Variants in STXBP5L observed in about 807,000 individuals in gnomAD.
STXBP5L encodes the protein syntaxin binding protein 5L, also known as syntaxin-binding protein 5-like.
STXBP5L carries 65 observed loss-of-function variants against 144.5 expected under a neutral mutation model. The observed-to-expected ratio is 0.45, with a 90% CI of 0.37 to 0.55. The LOEUF (loss-of-function observed/expected upper bound fraction) is 0.55. STXBP5L is among the 20% of genes least tolerant of loss of function. The probability of loss-of-function intolerance (pLI) is 0.00; values close to 1 mark genes in which losing one functional copy is unlikely to be tolerated. For missense variants in STXBP5L, 1,298 were observed against 1,405.5 expected (o/e 0.92, Z 1.22); for synonymous variants, 505 against 469.6 (o/e 1.08, Z -0.97).
At chr3:121,101,333 A>G (rs1400149899) in intron 5 of STXBP5L, among the ~76,000 whole-genome samples, 2 of 151,782 alleles carry the variant, frequency 1.3e-5, no homozygotes, top group Non-Finnish European at 2.9e-5. Context: ...CGTAGATGCA[A>G]AAATCCTCAG....
At position 121,377,447 on chromosome 3, in the gene STXBP5L, G is replaced by A. The variant is rs116829934; in HGVS notation, c.2177-1269G>A. 4.4e-3 allele frequency among the ~76,000 whole-genome samples: 664 copies of A among 152,188 alleles called. 4 individuals carry two copies. Among genetic ancestry groups the A allele is most frequent in the Non-Finnish European group, 7.5e-3 (513 of 68,004 alleles). ...TTTGCAATCTATCCACCTGACAAAG[G>A]GCTAATATCTAGAATCTACAAGGAA... On this transcript the variant is annotated intron_variant, in intron 20 of 26. Transcript: ENST00000471454.
chr3:121,414,702 GTGT>G (rs1324231516), intron 24 of STXBP5L, among the ~76,000 whole-genome samples: 2 of 152,230 alleles, frequency 1.3e-5, no homozygotes, highest in East Asian at 3.8e-4. Flanking sequence ...GGGAGTGGAG[GTGT>G]TGTGCTGGAG....
chr3:120,939,006 C>T (rs1710417662), intron 2 of STXBP5L, among the ~76,000 whole-genome samples: 1 of 152,042 alleles, frequency 6.6e-6, no homozygotes, highest in Non-Finnish European at 1.5e-5. Flanking sequence ...CTGGTCTCAA[C>T]TCATAGCCTC....
In STXBP5L at chr3:120,976,500, T is replaced by G. The variant is rs1376173609; in HGVS notation, c.287+21463T>G. Among the ~76,000 whole-genome samples the G allele has an allele frequency of 5.9e-5, 9 of 152,336 alleles. No homozygotes were observed. In the South Asian group the frequency reaches 1.7e-3, roughly 28 times the overall value. ...TTGATCATTTCAAAAAATCAGCTCC[T>G]GGGTTCATTAATTTTTTGAAGGGTT... On this transcript the variant is annotated intron_variant, in intron 3 of 26. Coordinates refer to ENST00000471454, the MANE Select transcript of STXBP5L (RefSeq NM_001308330.2).
chr3:121,053,780 C>A (rs1294850860), intron 5 of STXBP5L, among the ~76,000 whole-genome samples: 2 of 152,108 alleles, frequency 1.3e-5, no homozygotes, highest in Non-Finnish European at 2.9e-5. Flanking sequence ...GCAAAAGAAA[C>A]TACCATCAGA....
At chr3:121,256,392 G>A (rs1343388164) in intron 16 of STXBP5L, among the ~76,000 whole-genome samples, 1 of 151,934 alleles carries the variant, frequency 6.6e-6, no homozygotes, top group Non-Finnish European at 1.5e-5. Context: ...GCAAATATGT[G>A]TTATAAAATC....
chr3:121,129,146 A>G (rs907047132), intron 7 of STXBP5L, among the ~76,000 whole-genome samples: 1 of 152,082 alleles, frequency 6.6e-6, no homozygotes, highest in African/African-American at 2.4e-5. Context: ...TCTAGTGGGT[A>G]TGCAGACATA....
intron 19 of STXBP5L, among the ~76,000 whole-genome samples, chr3:121,309,661 T>C (rs1159373011): frequency 6.6e-6 from 1 of 152,134 alleles, no homozygotes; most frequent in African/African-American, 2.4e-5. Flanking sequence ...CTCCAAAATA[T>C]TGCAGAAAGA....
intron 3 of STXBP5L, among the ~76,000 whole-genome samples, chr3:121,006,857 T>G (rs1192395610): frequency 6.6e-6 from 1 of 152,284 alleles, no homozygotes. Context: ...TTATTTTCTT[T>G]AAGAATGTTG....
intron 3 of STXBP5L, among the ~76,000 whole-genome samples, chr3:120,993,792 G>C (rs1943120312): frequency 6.6e-6 from 1 of 151,606 alleles, no homozygotes; most frequent in South Asian, 2.1e-4. Flanking sequence ...GGCTCTTTTT[G>C]GTTCCATATA....
rs775690082 is a variant in STXBP5L, at chr3:121,041,683, G to C, written c.288-17G>C. ...TGCTAATTAAAATGTTAGAATCCTT[G>C]ACTTTTATTATATTAGACTCGGGAG... On this transcript the variant is annotated splice_polypyrimidine_tract_variant and intron_variant, in intron 3 of 26. Coordinates refer to ENST00000471454, the MANE Select transcript of STXBP5L (RefSeq NM_001308330.2). The C allele has an allele frequency of 1.9e-6, 3 of 1,592,700 alleles. No homozygotes were observed. In the African/African-American group the frequency reaches 4.0e-5, roughly 21 times the overall value.
At position 121,321,545 on chromosome 3, in the gene STXBP5L, T is replaced by A. The variant is rs189900597; in HGVS notation, c.2176+3005T>A. 5.9e-5 allele frequency among the ~76,000 whole-genome samples: 9 copies of A among 152,360 alleles called. 1 individual carries two copies. The highest frequency in any genetic ancestry group is 1.9e-4 in the African/African-American group (8 of 41,588). ...AATCTCTTGCTGTTGTAGGAATTGCTGCATTCTGATTCAGTAGATCTGAGG... is the reference window on the plus strand; with the variant it reads ...AATCTCTTGCTGTTGTAGGAATTGCAGCATTCTGATTCAGTAGATCTGAGG... On this transcript the variant is annotated intron_variant, in intron 20 of 26. Coordinates refer to ENST00000471454, the MANE Select transcript of STXBP5L (RefSeq NM_001308330.2).
At chr3:120,988,261 T>G (rs1942496387) in intron 3 of STXBP5L, among the ~76,000 whole-genome samples, 1 of 151,896 alleles carries the variant, frequency 6.6e-6, no homozygotes, top group Non-Finnish European at 1.5e-5. Context: ...TGTTATTAAT[T>G]ATTCTCTCTG....
intron 7 of STXBP5L, among the ~76,000 whole-genome samples, chr3:121,138,226 T>A (rs972680357): frequency 1.3e-5 from 2 of 151,946 alleles, no homozygotes; most frequent in South Asian, 4.2e-4. Flanking sequence ...GTCTCTACAT[T>A]GGAAATTATA....
Position 121,349,152 on chromosome 3 carries a change from G to A in STXBP5L, c.2177-29564G>A, listed in dbSNP as rs181632089. On this transcript the variant is annotated intron_variant, in intron 20 of 26. Transcript: ENST00000471454. ...AAATGTGTCCCGGAGATTCTGGTAC[G>A]TTGTGTCTTTGTTCTCATTGGTTTC... is the stretch of plus-strand genomic sequence containing the variant. Among the ~76,000 whole-genome samples the A allele has an allele frequency of 4.1e-3, 620 of 152,150 alleles. 4 individuals are homozygous for A. The highest frequency in any genetic ancestry group is 9.2e-3 in the African/African-American group (380 of 41,466).
chr3:121,342,846 C>A (rs1576225797), intron 20 of STXBP5L, among the ~76,000 whole-genome samples: 2 of 147,986 alleles, frequency 1.4e-5, no homozygotes, highest in African/African-American at 2.5e-5. Context: ...ATTTATAGTC[C>A]TTTGGGTACA....
chr3:121,320,580 T>C (rs2043936966), intron 20 of STXBP5L, among the ~76,000 whole-genome samples: 1 of 152,088 alleles, frequency 6.6e-6, no homozygotes, highest in Non-Finnish European at 1.5e-5. Flanking sequence ...CATAATTAAT[T>C]ATTATAATTG....
chr3:121,031,940 T>C (rs1946399603), intron 3 of STXBP5L, among the ~76,000 whole-genome samples: 1 of 152,106 alleles, frequency 6.6e-6, no homozygotes, highest in Admixed American at 6.6e-5. Context: ...TGAGATAGGA[T>C]ACAGAAAAAG....
chr3:121,132,213 C>A (rs1265105941), intron 7 of STXBP5L, among the ~76,000 whole-genome samples: 1 of 152,192 alleles, frequency 6.6e-6, no homozygotes, highest in Admixed American at 6.6e-5. Flanking sequence ...GCACAGAGGA[C>A]AGATGAAAAA....
Sources: gnomAD v4.1 joint callset for allele counts (sites outside exome capture counted in the v4.1 genomes callset) on GRCh38, gnomAD v4.1.1 for gene constraint, MANE v1.5 for transcripts, NCBI Gene and HGNC (gene_info 2026-07-23, HGNC 2026-07-21) for gene names.